TMEM245: variants seen among roughly 807,000 people sequenced by gnomAD.
The protein encoded by TMEM245 is protein CG-2.
TMEM245 carries 69 observed loss-of-function variants against 101.2 expected under a neutral mutation model. That is an observed-to-expected ratio of 0.68 (90% CI 0.56 to 0.83). The LOEUF is 0.83. TMEM245 is among the 40% of genes least tolerant of loss of function. TMEM245 has a pLI of 0.00. For missense variants in TMEM245, 1,075 were observed against 1,092.8 expected, an observed-to-expected ratio of 0.98 and a Z score of 0.23; for synonymous variants, 537 against 449.8, an observed-to-expected ratio of 1.19 and a Z score of -2.45.
intron 9 of TMEM245, among the ~76,000 whole-genome samples, chr9:109,070,237 C>G (rs1829290377): frequency 6.6e-6 from 1 of 152,130 alleles, no homozygotes; most frequent in Admixed American, 6.6e-5. Flanking sequence ...TTTAACTTCA[C>G]CCCATCTCTC....
chr9:109,035,587 TAAC>T (rs1828094371), intron 16 of TMEM245, among the ~76,000 whole-genome samples: 1 of 152,138 alleles, frequency 6.6e-6, no homozygotes, highest in Admixed American at 6.5e-5. Context: ...ACATACAATC[TAAC>T]AACATTTTCT....
intron 3 of TMEM245, among the ~76,000 whole-genome samples, chr9:109,096,422 A>G (rs987216676): frequency 2.6e-5 from 4 of 152,238 alleles, no homozygotes; most frequent in Admixed American, 2.0e-4. Context: ...GGTTGCAGTG[A>G]GCCGAGATCG....
At chr9:109,053,442 A>G (rs1418372086) in intron 12 of TMEM245, among the ~76,000 whole-genome samples, 2 of 152,184 alleles carry the variant, frequency 1.3e-5, no homozygotes. Flanking sequence ...GGGAAAAAAA[A>G]GGATCCTAAC....
intron 17 of TMEM245, among the ~76,000 whole-genome samples, chr9:109,028,239 C>G (rs1027129629): frequency 3.3e-5 from 5 of 151,820 alleles, no homozygotes; most frequent in African/African-American, 4.8e-5. Flanking sequence ...CACCTGAGGT[C>G]AGGAGTTCGA....
intron 6 of TMEM245, 49 bp from the exon 7 acceptor site, chr9:109,086,069 TATC>T: frequency 6.3e-7 from 1 of 1,585,424 alleles, no homozygotes; most frequent in South Asian, 1.1e-5. Context: ...AACAGTGGAG[TATC>T]ATTAGAGAAT....
At chr9:109,109,707 A>G (rs1305338669) in intron 1 of TMEM245, among the ~76,000 whole-genome samples, 2 of 152,172 alleles carry the variant, frequency 1.3e-5, no homozygotes, top group Non-Finnish European at 2.9e-5. Flanking sequence ...AGTATGATTC[A>G]GAACAGTGAA....
intron 7 of TMEM245, among the ~76,000 whole-genome samples, chr9:109,085,348 G>C (rs1198291316): frequency 3.9e-5 from 6 of 152,132 alleles, no homozygotes; most frequent in Non-Finnish European, 4.4e-5. Flanking sequence ...AATGTATCTG[G>C]ATTAGCCTTT....
rs1564192070 is a variant in TMEM245, at chr9:109,073,447, C to T, written c.1450-9G>A. 3.8e-6 allele frequency: 6 copies of T among 1,581,740 alleles called. No homozygotes were observed. In the Admixed American group the frequency reaches 5.1e-5, roughly 14 times the overall value. ...ACACTCTCTTGATGTACCTGTATTA[C>T]AGATAAAGAAAGAAAAGAATCTCAG... is the stretch of plus-strand genomic sequence containing the variant. On this transcript the variant is annotated splice_polypyrimidine_tract_variant and intron_variant, in intron 8 of 17. Transcript: ENST00000374586.
At chr9:109,090,860 TA>T (rs992280142) in intron 5 of TMEM245, 61 bp downstream of exon 5, 1 of 1,492,112 alleles carries the variant, frequency 6.7e-7, no homozygotes, top group Non-Finnish European at 9.1e-7. Flanking sequence ...AATCCAAAAG[TA>T]AAAAAAGAAA....
intron 14 of TMEM245, among the ~76,000 whole-genome samples, chr9:109,048,316 C>A (rs983321652): frequency 2.0e-5 from 3 of 151,994 alleles, no homozygotes; most frequent in African/African-American, 7.3e-5. Context: ...ATTTTAGGAG[C>A]ATGCATCCTG....
At chr9:109,034,325 T>A (rs1288747637) in intron 16 of TMEM245, among the ~76,000 whole-genome samples, 2 of 152,202 alleles carry the variant, frequency 1.3e-5, no homozygotes, top group South Asian at 2.1e-4. Context: ...AGAACCAGTC[T>A]TCAGGAAACC....
chr9:109,072,869 AAATT>A lies in TMEM245; in HGVS notation c.1532+483_1532+486del, dbSNP rs1829376223. On this transcript the variant is annotated intron_variant, in intron 9 of 17. Coordinates refer to ENST00000374586, the MANE Select transcript of TMEM245 (RefSeq NM_032012.4). The stretch of plus-strand genomic sequence containing the variant: ...AAATAAATAAATAACATAAATTTAA[AAATT>A]ATATAGAAAGTTGAGGAGTTACAGT... Among the ~76,000 whole-genome samples, 3 of 152,222 alleles carry A rather than the reference AAATT, an allele frequency of 2.0e-5. No individual in the cohort carries two copies. The South Asian group carries it at 6.2e-4, about 32-fold the overall frequency.
chr9:109,018,937 G>A lies in TMEM245; in HGVS notation c.*1523C>T, dbSNP rs1218837379. ...TTTTTTTTTTTTTTGTAGAGATGGG[G>A]TTTTGCCATGTTGCCTAGGCTGATC... On this transcript the variant is annotated 3_prime_UTR_variant, in exon 18 of 18. Transcript: ENST00000374586. 3 of 140,338 alleles carry A rather than the reference G, an allele frequency of 2.1e-5. No homozygotes were observed. Among genetic ancestry groups the A allele is most frequent in the Non-Finnish European group, 4.6e-5 (3 of 65,168 alleles). The allele number at this position is 140,338 out of a possible 1,614,324, so 8.7% of individuals were successfully genotyped here.
chr9:109,079,278 C>CA (rs1214455638), intron 8 of TMEM245, among the ~76,000 whole-genome samples: 1 of 151,810 alleles, frequency 6.6e-6, no homozygotes, highest in African/African-American at 2.4e-5. Flanking sequence ...TATCCCAGGA[C>CA]ATATTAGGAA....
chr9:109,053,928 A>G (rs983980225), intron 12 of TMEM245, among the ~76,000 whole-genome samples: 2 of 152,184 alleles, frequency 1.3e-5, no homozygotes, highest in Non-Finnish European at 2.9e-5. Flanking sequence ...GGACCACATG[A>G]GCTCTGCTAT....
At chr9:109,067,147 T>A (rs1439475996) in intron 9 of TMEM245, among the ~76,000 whole-genome samples, 2 of 151,538 alleles carry the variant, frequency 1.3e-5, no homozygotes, top group Non-Finnish European at 2.9e-5. Flanking sequence ...TGGGAAAACG[T>A]CTTATTGGCC....
intron 6 of TMEM245, among the ~76,000 whole-genome samples, chr9:109,086,800 TTAA>T (rs1829853096): frequency 6.6e-6 from 1 of 152,246 alleles, no homozygotes; most frequent in African/African-American, 2.4e-5. Context: ...TCCGTAGGAC[TTAA>T]TACAGTATCT....
At chr9:109,026,484 G>C (rs933702637) in intron 17 of TMEM245, among the ~76,000 whole-genome samples, 1 of 151,766 alleles carries the variant, frequency 6.6e-6, no homozygotes, top group African/African-American at 2.4e-5. Flanking sequence ...AGAAAGCAGC[G>C]TGCACAAAGG....
chr9:109,074,738 C>A (rs762642263), intron 8 of TMEM245, among the ~76,000 whole-genome samples: 22 of 152,082 alleles, frequency 1.4e-4, no homozygotes, highest in Non-Finnish European at 2.6e-4. Context: ...CAACCCAGAA[C>A]AGAACAGAGT....
Sources: gnomAD v4.1 joint callset for allele counts (sites outside exome capture counted in the v4.1 genomes callset) on GRCh38, gnomAD v4.1.1 for gene constraint, MANE v1.5 for transcripts, NCBI Gene and HGNC (gene_info 2026-07-23, HGNC 2026-07-21) for gene names.